NAT9: variants seen among roughly 807,000 people sequenced by gnomAD.
The protein encoded by NAT9 is N-acetyltransferase 9, also known as alpha/beta-tubulin-N-acetyltransferase 9.
In NAT9, 18 loss-of-function variants were observed where a neutral mutation model predicts 24.0. The observed-to-expected ratio is 0.75, with a 90% CI of 0.52 to 1.11. The LOEUF (loss-of-function observed/expected upper bound fraction) is 1.11. Ranked by LOEUF, NAT9 falls within the 50% of genes most tolerant of loss-of-function variation. NAT9 has a pLI of 0.00. For synonymous variants in NAT9, 104 were observed against 102.3 expected, an observed-to-expected ratio of 1.02 and a Z score of -0.10; for missense variants, 254 against 258.6, an observed-to-expected ratio of 0.98 and a Z score of 0.12.
intron 2 of NAT9, among the ~76,000 whole-genome samples, chr17:74,775,173 GTTTTTGTTTT>G (rs1429832409): frequency 2.0e-5 from 3 of 147,620 alleles, no homozygotes; most frequent in Admixed American, 6.7e-5. Context: ...GTTTTTGTTT[GTTTTTGTTTT>G]TTTGTTTTTT....
chr17:74,775,023 T>C (rs1355897170), intron 2 of NAT9, among the ~76,000 whole-genome samples: 1 of 151,726 alleles, frequency 6.6e-6, no homozygotes, highest in African/African-American at 2.4e-5. Context: ...GCCCAGCTAA[T>C]TTTTTGTGTT....
In NAT9 at chr17:74,771,245, G is replaced by C. The variant is rs949348037; in HGVS notation, c.*479C>G. On this transcript the variant is annotated 3_prime_UTR_variant, in exon 7 of 7. Coordinates refer to ENST00000357814, the MANE Select transcript of NAT9 (RefSeq NM_015654.5). ...TGCCTCTGCAGGACAAGAGGACCAAGCTGCCCTTGAGTGGACACTGTGAGG... is the reference window on the plus strand; with the variant it reads ...TGCCTCTGCAGGACAAGAGGACCAACCTGCCCTTGAGTGGACACTGTGAGG... 3 of 179,232 alleles carry C rather than the reference G, an allele frequency of 1.7e-5. No individual in the cohort carries two copies. The highest frequency in any genetic ancestry group is 3.6e-5 in the Non-Finnish European group (3 of 82,220). The allele number at this position is 179,232 out of a possible 1,614,324, so 11.1% of individuals were successfully genotyped here. A position where few individuals can be genotyped will look rare whatever the true frequency, so the allele number is the denominator to read the frequency against.
intron 1 of NAT9, chr17:74,775,916 A>G: frequency 2.1e-6 from 1 of 472,030 alleles, no homozygotes; most frequent in Non-Finnish European, 3.8e-6. Flanking sequence ...CCACTCCAAG[A>G]GGCCAAGCCT....
chr17:74,774,879 A>G (rs2035796638), intron 2 of NAT9, among the ~76,000 whole-genome samples: 1 of 135,244 alleles, frequency 7.4e-6, no homozygotes, highest in Non-Finnish European at 1.6e-5. Context: ...TTTTTGAGAC[A>G]AAGTCTCACT....
At chr17:74,772,407 GA>G (rs781007331) in intron 4 of NAT9, 130 bp from the exon 5 acceptor site, 63 of 1,442,312 alleles carry the variant, frequency 4.4e-5, no homozygotes, top group Non-Finnish European at 5.6e-5. Flanking sequence ...TGCAGACGAG[GA>G]AACAGGCACA....
Position 74,775,639 on chromosome 17 carries a change from G to C in NAT9, c.60C>G (p.Thr20=), listed in dbSNP as rs775314920. ...AAAGATACCTGGGCACATGCTCCGAGGTGTAGGGTACAAGGACCACCTTCT... is the reference window on the plus strand; with the variant it reads ...AAAGATACCTGGGCACATGCTCCGACGTGTAGGGTACAAGGACCACCTTCT... The part of the protein sequence containing the change: ...LGKKVVLVPY[T]SEHVPSRYHE... The change falls in exon 2 of 7, where the codon ACC becomes ACG. Residue 20 remains threonine (T), a synonymous_variant. Coordinates refer to ENST00000357814, the MANE Select transcript of NAT9 (RefSeq NM_015654.5). 2.5e-6 allele frequency: 4 copies of C among 1,614,022 alleles called. No individual in the cohort carries two copies. The highest frequency in any genetic ancestry group is 2.5e-6 in the Non-Finnish European group (3 of 1,179,900).
At chr17:74,774,849 CTTTAT>C (rs112899241) in intron 2 of NAT9, among the ~76,000 whole-genome samples, 16 of 145,880 alleles carry the variant, frequency 1.1e-4, no homozygotes, top group East Asian at 8.1e-4. Context: ...TGCGCCCAGC[CTTTAT>C]TTTATTTTAT....
rs776391435 is a variant in NAT9 at position 74,772,984 on chromosome 17, G to A, written c.246C>T (p.Thr82=). ...AEKWQAQPGA[T]EESCMVGDVN... ...CATCTCCCACCATGCAGCTCTCTTC[G>A]GTGGCGCCTGGCTGGGCCTGCCACT... Residue 82 remains threonine (T), a synonymous_variant, in exon 4 of 7, where the codon ACC becomes ACT. Transcript: ENST00000357814. 5.0e-5 allele frequency: 81 copies of A among 1,613,898 alleles called. No homozygotes were observed. The highest frequency in any genetic ancestry group is 3.7e-4 in the South Asian group (34 of 91,066).
At chr17:74,775,371 TAG>T in intron 2 of NAT9, 1 of 367,844 alleles carries the variant, frequency 2.7e-6, no homozygotes, top group Non-Finnish European at 4.9e-6. Context: ...TATTTTTTTG[TAG>T]AGACAAGGTC....
chr17:74,771,638 A>G lies in NAT9; in HGVS notation c.*86T>C. On this transcript the variant is annotated 3_prime_UTR_variant, in exon 7 of 7. Transcript: ENST00000357814. ...GTGATTCCCAGCCTGGGCCAGGAGC[A>G]CTCTCCCAGTGCAGGGCTCTGGTCT... 1 of 1,567,856 alleles carries G rather than the reference A, an allele frequency of 6.4e-7. No homozygotes were observed. The highest frequency in any genetic ancestry group is 1.1e-5 in the South Asian group (1 of 88,608).
intron 4 of NAT9, 44 bp from the exon 5 acceptor site, chr17:74,772,321 T>A (rs1219501569): frequency 6.2e-6 from 10 of 1,608,426 alleles, no homozygotes; most frequent in Non-Finnish European, 8.5e-6. Context: ...TGTGCCAGGC[T>A]CCAGTGCGGG....
intron 2 of NAT9, 61 bp downstream of exon 2, chr17:74,775,561 G>A (rs1598394704): frequency 1.4e-6 from 2 of 1,416,202 alleles, no homozygotes; most frequent in Non-Finnish European, 9.9e-7. Context: ...CCTGAGACTG[G>A]GGCTGTACCT....
At chr17:74,773,126 G>A (rs1474668753) in intron 3 of NAT9, 87 bp from the exon 4 acceptor site, 1 of 1,465,376 alleles carries the variant, frequency 6.8e-7, no homozygotes, top group Admixed American at 2.2e-5. Flanking sequence ...GAGCACTGCA[G>A]AACACCAGCA....
At chr17:74,774,073 C>T (rs573739260) in intron 2 of NAT9, 2 of 205,618 alleles carry the variant, frequency 9.7e-6, no homozygotes, top group South Asian at 1.6e-4. Flanking sequence ...TAGAGAATAC[C>T]CATCTACAGC....
chr17:74,771,968 A>C lies in NAT9; in HGVS notation c.481T>G (p.Phe161Val). Residue 161 changes from phenylalanine (F) to valine (V), a missense_variant, in exon 6 of 7, where the codon TTT (phenylalanine) becomes GTT (valine). By Grantham distance (50) the Phe-to-Val change is conservative. Coordinates refer to ENST00000357814, the MANE Select transcript of NAT9 (RefSeq NM_015654.5). ...PSIRMFQKLH[F>V]EQVATSSVFQ... Reference sequence around the variant, plus strand: ...CCCCAGGACATCCTTACCTGCTCAAAGTGAAGTTTCTGGAACATCCGGATG... The same window carrying C: ...CCCCAGGACATCCTTACCTGCTCAACGTGAAGTTTCTGGAACATCCGGATG... 1 of 1,614,222 alleles carries C rather than the reference A, an allele frequency of 6.2e-7. No homozygotes were observed. The highest frequency in any genetic ancestry group is 8.5e-7 in the Non-Finnish European group (1 of 1,180,026).
chr17:74,771,875 G>T lies in NAT9; in HGVS notation c.490-17C>A. On this transcript the variant is annotated splice_polypyrimidine_tract_variant and intron_variant, in intron 6 of 6. Transcript: ENST00000357814. ...CGTAGCCACCTACGTGAGCCAGAGAGAACAAAGCCTGCTAAGTTACAGTAT... is the reference window on the plus strand; with the variant it reads ...CGTAGCCACCTACGTGAGCCAGAGATAACAAAGCCTGCTAAGTTACAGTAT... 1 of 1,614,244 alleles carries T rather than the reference G, an allele frequency of 6.2e-7. No homozygotes were observed. Among genetic ancestry groups the T allele is most frequent in the South Asian group, 1.1e-5 (1 of 91,088 alleles).
In NAT9 at chr17:74,771,565, G is replaced by T; in HGVS notation, c.*159C>A. The T allele has an allele frequency of 8.5e-7, 1 of 1,171,242 alleles. No homozygotes were observed. The highest frequency in any genetic ancestry group is 1.5e-5 in the South Asian group (1 of 65,858). The allele number at this position is 1,171,242 out of a possible 1,614,324, so 72.6% of individuals were successfully genotyped here. On this transcript the variant is annotated 3_prime_UTR_variant, in exon 7 of 7. Transcript: ENST00000357814. ...AGTCTGCTCAGCCACACCACTAGCTGGAGGGAGGCCACAGCAAGCCCCGCC... is the reference window on the plus strand; with the variant it reads ...AGTCTGCTCAGCCACACCACTAGCTTGAGGGAGGCCACAGCAAGCCCCGCC...
chr17:74,771,914 C>G (rs367914164), intron 6 of NAT9, 46 bp downstream of exon 6: 9 of 1,614,082 alleles, frequency 5.6e-6, no homozygotes, highest in Non-Finnish European at 7.6e-6. Flanking sequence ...CACCACCAGG[C>G]CCACCACCCA....
chr17:74,773,745 CACCTTATGAG>C, intron 2 of NAT9, 57 bp from the exon 3 acceptor site: 1 of 1,409,812 alleles, frequency 7.1e-7, no homozygotes, highest in Non-Finnish European at 1.0e-6. Context: ...ATACGTCTGA[CACCTTATGAG>C]GGTCCAGAAC....
Sources: allele counts gnomAD v4.1 joint callset (sites outside exome capture counted in the v4.1 genomes callset), GRCh38; gene constraint gnomAD v4.1.1; transcripts MANE v1.5; gene names NCBI Gene and HGNC (gene_info 2026-07-23, HGNC 2026-07-21).